PPP4R3B: variants seen among roughly 807,000 people sequenced by gnomAD.
PPP4R3B encodes serine/threonine-protein phosphatase 4 regulatory subunit 3B.
Under a neutral mutation model 95.4 loss-of-function variants are expected in PPP4R3B, and 52 were observed. The observed-to-expected ratio is 0.54, with a 90% CI of 0.44 to 0.69. The LOEUF (loss-of-function observed/expected upper bound fraction) is 0.69. Ranked by LOEUF, PPP4R3B falls within the 30% of genes least tolerant of loss-of-function variation. PPP4R3B has a pLI of 0.00. For missense variants in PPP4R3B, 1,003 were observed against 1,005.9 expected, an observed-to-expected ratio of 1.00 and a Z score of 0.04; for synonymous variants, 407 against 343.9, an observed-to-expected ratio of 1.18 and a Z score of -2.03.
At chr2:55,596,679 T>G (rs754280848) in intron 4 of PPP4R3B, among the ~76,000 whole-genome samples, 1 of 152,198 alleles carries the variant, frequency 6.6e-6, no homozygotes, top group Admixed American at 6.5e-5. Flanking sequence ...TATAGCTGCA[T>G]TGGCCAGGTG....
In PPP4R3B at chr2:55,565,034, A is replaced by G. The variant is rs773110418; in HGVS notation, c.1943T>C (p.Ile648Thr). 2 of 1,581,740 alleles carry G rather than the reference A, an allele frequency of 1.3e-6. No individual in the cohort carries two copies. Among genetic ancestry groups the G allele is most frequent in the African/African-American group, 1.4e-5 (1 of 73,246 alleles). ...ELFEFIRVED[I>T]KSLTAHIVEN... ...AACTATATGGGCAGTAAGAGACTTG[A>G]TATCTTCCTGTATAAGCACAAAATT... The change falls in exon 14 of 17, where the codon ATC becomes ACC. Residue 648 changes from isoleucine to threonine, a missense_variant. Around this residue, in one of 3 missense-constraint regions of PPP4R3B, gnomAD observed 79 missense variants for 124.9 expected, o/e 0.63. Coordinates refer to ENST00000616407, the MANE Select transcript of PPP4R3B (RefSeq NM_001122964.3).
rs756902851 is a variant in PPP4R3B, at chr2:55,598,868, T to C, written c.469A>G (p.Ile157Val). 3 of 1,614,194 alleles carry C rather than the reference T, an allele frequency of 1.9e-6. No individual in the cohort carries two copies. Among genetic ancestry groups the C allele is most frequent in the Non-Finnish European group, 2.5e-6 (3 of 1,180,018 alleles). Reference sequence around the variant, plus strand: ...GCGAGAGCCAGCTTTTCCCTACGGATAGGTGAGGAGAGCACTGAGGTAACT... The same window carrying C: ...GCGAGAGCCAGCTTTTCCCTACGGACAGGTGAGGAGAGCACTGAGGTAACT... ...DLVTSVLSSP[I>V]RREKLALALE... Residue 157 changes from isoleucine to valine, a missense_variant, in exon 4 of 17, where the codon ATC becomes GTC. Physicochemically the swap from Ile to Val is conservative, Grantham distance 29 (BLOSUM62 3). Transcript: ENST00000616407.
At chr2:55,564,584 G>T in intron 14 of PPP4R3B, 87 bp from the exon 15 acceptor site, 1 of 1,171,326 alleles carries the variant, frequency 8.5e-7, no homozygotes, top group Non-Finnish European at 1.2e-6. Flanking sequence ...TAACCAAGAT[G>T]AACTGAAGTA....
chr2:55,593,601 T>C (rs1351970231), intron 4 of PPP4R3B, among the ~76,000 whole-genome samples: 2 of 152,086 alleles, frequency 1.3e-5, no homozygotes, highest in Non-Finnish European at 2.9e-5. Context: ...CTTTAGGAAA[T>C]AAGTGCTTAG....
intron 16 of PPP4R3B, among the ~76,000 whole-genome samples, chr2:55,556,345 GC>G (rs1382234364): frequency 6.6e-6 from 1 of 152,170 alleles, no homozygotes; most frequent in African/African-American, 2.4e-5. Flanking sequence ...AGGTGTTGGT[GC>G]TTGCATTTAA....
rs763021649 is a variant in PPP4R3B at position 55,615,466 on chromosome 2, T to C, written c.183A>G (p.Ala61=). Residue 61 remains alanine, a synonymous_variant, in exon 2 of 17, where the codon GCA becomes GCG. Transcript: ENST00000616407. Reference sequence around the variant, plus strand: ...AACTACTTGCCTGTTGTTTCTGATATGCAGTATTTGGATTTATCTTTGATT... The same window carrying C: ...AACTACTTGCCTGTTGTTTCTGATACGCAGTATTTGGATTTATCTTTGATT... ...LLESKINPNT[A]YQKQQDTLIV... is the part of the protein sequence containing the mutation. 22 of 1,595,106 alleles carry C rather than the reference T, an allele frequency of 1.4e-5. No homozygotes were observed. The highest frequency in any genetic ancestry group is 1.7e-4 in the Middle Eastern group (1 of 6,020).
chr2:55,579,549 T>C (rs1373417497), intron 9 of PPP4R3B, 130 bp downstream of exon 9: 12 of 478,646 alleles, frequency 2.5e-5, no homozygotes, highest in Non-Finnish European at 3.5e-5. Context: ...TAATTTTATA[T>C]TGCAGTTTAA....
rs113448828 is a variant in PPP4R3B, at chr2:55,582,469, A to G, written c.1234-771T>C. 1.7e-3 allele frequency among the ~76,000 whole-genome samples: 257 copies of G among 152,162 alleles called. 3 individuals are homozygous for G. The highest frequency in any genetic ancestry group is 5.5e-3 in the African/African-American group (229 of 41,510). ...GTCCTGATTCTAAGCTGGCATCTCTATTTTCTGATTGGGAAATATAAAGAA... is the reference window on the plus strand; with the variant it reads ...GTCCTGATTCTAAGCTGGCATCTCTGTTTTCTGATTGGGAAATATAAAGAA... On this transcript the variant is annotated intron_variant, in intron 7 of 16. Coordinates refer to ENST00000616407, the MANE Select transcript of PPP4R3B (RefSeq NM_001122964.3).
rs369126683 is a variant in PPP4R3B at position 55,573,886 on chromosome 2, C to CTTTTTT, written c.1607-115_1607-110dup. The stretch of plus-strand genomic sequence containing the variant: ...AACAAAATCTAAACTGTATTTCCTC[C>CTTTTTT]TTTTTTTTTTTTTTTTTTTTGAGAC... On this transcript the variant is annotated intron_variant, in intron 11 of 16. Coordinates refer to ENST00000616407, the MANE Select transcript of PPP4R3B (RefSeq NM_001122964.3). 20 of 277,612 alleles carry CTTTTTT rather than the reference C, an allele frequency of 7.2e-5. 1 individual carries two copies. Among genetic ancestry groups the CTTTTTT allele is most frequent in the South Asian group, 1.3e-4 (3 of 23,122 alleles). The allele number at this position is 277,612 out of a possible 1,614,324, so 17.2% of individuals were successfully genotyped here.
intron 16 of PPP4R3B, among the ~76,000 whole-genome samples, chr2:55,556,831 C>G (rs1162295065): frequency 6.6e-6 from 1 of 152,088 alleles, no homozygotes; most frequent in Non-Finnish European, 1.5e-5. Context: ...CTGTGGGAAG[C>G]TGAGCAGGAC....
intron 15 of PPP4R3B, among the ~76,000 whole-genome samples, chr2:55,561,806 C>A (rs890045924): frequency 6.6e-6 from 1 of 152,186 alleles, no homozygotes; most frequent in Non-Finnish European, 1.5e-5. Context: ...AGGTAACTAA[C>A]TTGTTTTTTA....
intron 5 of PPP4R3B, among the ~76,000 whole-genome samples, chr2:55,588,419 G>A (rs6721776): frequency 2.7e-4 from 41 of 151,764 alleles, no homozygotes; most frequent in African/African-American, 8.5e-4. Context: ...AGGCTGAGGC[G>A]GGAGAATCCC....
intron 15 of PPP4R3B, among the ~76,000 whole-genome samples, chr2:55,562,627 T>G (rs72921811): frequency 0.029 from 4,358 of 152,306 alleles, 221 homozygotes; most frequent in African/African-American, 0.1. Context: ...CTACCCAGTC[T>G]TAGGTAGTTC....
At chr2:55,581,436 C>A in intron 8 of PPP4R3B, 131 bp downstream of exon 8, 2 of 939,246 alleles carry the variant, frequency 2.1e-6, no homozygotes, top group Non-Finnish European at 3.1e-6. Flanking sequence ...AAATGAATTG[C>A]TATAAGAATA....
At chr2:55,589,040 A>T (rs935092739) in intron 4 of PPP4R3B, 84 bp from the exon 5 acceptor site, 1 of 815,854 alleles carries the variant, frequency 1.2e-6, no homozygotes, top group Non-Finnish European at 1.9e-6. Flanking sequence ...AATTATAAAA[A>T]ATAGTTGACA....
At chr2:55,585,009 C>T (rs761482618) in intron 7 of PPP4R3B, 42 bp downstream of exon 7, 1 of 1,392,622 alleles carries the variant, frequency 7.2e-7, no homozygotes, top group South Asian at 1.2e-5. Flanking sequence ...ACACTACTCA[C>T]TCTACAGGTA....
At chr2:55,576,646 G>A (rs1688714394) in intron 11 of PPP4R3B, among the ~76,000 whole-genome samples, 1 of 151,938 alleles carries the variant, frequency 6.6e-6, no homozygotes, top group African/African-American at 2.4e-5. Context: ...AGCTTGCAGT[G>A]AGCCGAGATT....
intron 2 of PPP4R3B, among the ~76,000 whole-genome samples, chr2:55,612,500 C>T (rs934205621): frequency 3.9e-5 from 6 of 152,096 alleles, no homozygotes; most frequent in African/African-American, 1.4e-4. Context: ...AAAAGGATCA[C>T]TTGAGGCCAG....
intron 2 of PPP4R3B, among the ~76,000 whole-genome samples, chr2:55,604,812 A>G (rs1326693588): frequency 1.3e-5 from 2 of 151,896 alleles, no homozygotes; most frequent in African/African-American, 2.4e-5. Flanking sequence ...ACACACACAC[A>G]CACATACACA....
Sources: allele counts gnomAD v4.1 joint callset (sites outside exome capture counted in the v4.1 genomes callset), GRCh38; gene constraint gnomAD v4.1.1; regional missense constraint gnomAD v4.1.1; transcripts MANE v1.5; gene names NCBI Gene and HGNC (gene_info 2026-07-23, HGNC 2026-07-21).